OPA1: variants seen among roughly 807,000 people sequenced by gnomAD.
OPA1 encodes OPA1 mitochondrial dynamin like GTPase.
A neutral mutation model predicts 152.9 loss-of-function variants in OPA1; 59 were observed. The observed-to-expected ratio is 0.39, with a 90% CI of 0.31 to 0.48. The LOEUF (loss-of-function observed/expected upper bound fraction) is 0.48. Ranked by LOEUF, OPA1 falls within the 20% of genes least tolerant of loss-of-function variation. The probability of loss-of-function intolerance (pLI) is 0.96; values close to 1 mark genes in which losing one functional copy is unlikely to be tolerated. For synonymous variants in OPA1, 400 were observed against 389.9 expected (o/e 1.03, Z -0.31); for missense variants, 1,008 against 1,216.8 (o/e 0.83, Z 2.55).
At position 193,688,449 on chromosome 3, in the gene OPA1, C is replaced by CTTTTTTTTTTTTTTTTT. The variant is rs766448341; in HGVS notation, c.2984-3583_2984-3567dup. 2.4e-4 allele frequency among the ~76,000 whole-genome samples: 15 copies of CTTTTTTTTTTTTTTTTT among 63,358 alleles called. 4 individuals carry two copies. The highest frequency in any genetic ancestry group is 3.3e-4 in the Non-Finnish European group (10 of 30,306). The allele number at this position is 63,358 out of a possible 152,430, so 41.6% of individuals were successfully genotyped here. A position where few individuals can be genotyped will look rare whatever the true frequency, so the allele number is the denominator to read the frequency against. ...TGATTTTTACTGAAATGGGTCTTTT[C>CTTTTTTTTTTTTTTTTT]TTTTTTTTTTTTTTTTTTTTTTTTT... On this transcript the variant is annotated intron_variant, in intron 29 of 30. Transcript: ENST00000361510.
At chr3:193,612,092 G>A (rs965535603) in intron 1 of OPA1, among the ~76,000 whole-genome samples, 2 of 152,126 alleles carry the variant, frequency 1.3e-5, no homozygotes, top group Non-Finnish European at 2.9e-5. Flanking sequence ...GTCCTGGATC[G>A]TAAGCTCCTA....
At position 193,635,491 on chromosome 3, in the gene OPA1, A is replaced by G. The variant is rs1236699901; in HGVS notation, c.917A>G (p.Asp306Gly). The G allele has an allele frequency of 6.2e-7, 1 of 1,607,282 alleles. No homozygotes were observed. The highest frequency in any genetic ancestry group is 1.1e-5 in the South Asian group (1 of 90,924). The change falls in exon 9 of 31, where the codon GAT becomes GGT. Residue 306 changes from aspartate (D) to glycine (G), a missense_variant. Physicochemically the swap from Asp to Gly is moderately conservative, Grantham distance 94 (BLOSUM62 -1). This residue lies in a region of OPA1 where 408 missense variants were observed against 395.1 expected (regional missense o/e 1.03). Transcript: ENST00000361510. ...TTGAGAAAATTAGTATTGCAGAAAG[A>G]TGACAAAGGCATTCATCATAGAAAG... ...KELRKLVLQK[D>G]DKGIHHRKLK...
chr3:193,631,984 C>T (rs1281693473), intron 8 of OPA1, among the ~76,000 whole-genome samples: 1 of 152,146 alleles, frequency 6.6e-6, no homozygotes, highest in Non-Finnish European at 1.5e-5. Context: ...TAAAGAAATT[C>T]GAGTTGAGTC....
chr3:193,618,823 G>T, intron 5 of OPA1, 46 bp from the exon 6 acceptor site: 1 of 1,454,630 alleles, frequency 6.9e-7, no homozygotes, highest in Non-Finnish European at 9.7e-7. Flanking sequence ...AGCTTAGGCT[G>T]TTGACATCAC....
Position 193,593,250 on chromosome 3 carries a change from C to T in OPA1, c.-128C>T. On this transcript the variant is annotated 5_prime_UTR_variant, in exon 1 of 31. Coordinates refer to ENST00000361510, the MANE Select transcript of OPA1 (RefSeq NM_130837.3). ...CATGCGCCATTGGGAGGGCCTCGGC[C>T]GCGGCTCTGTGCCCTTGCTGCTGAG... 1.1e-6 allele frequency: 1 copy of T among 878,742 alleles called. No homozygotes were observed. Among genetic ancestry groups the T allele is most frequent in the Non-Finnish European group, 1.7e-6 (1 of 601,732 alleles). 54.4% of individuals were successfully genotyped at this position (878,742 alleles called of 1,614,324 possible). A position where few individuals can be genotyped will look rare whatever the true frequency, so the allele number is the denominator to read the frequency against.
intron 29 of OPA1, among the ~76,000 whole-genome samples, chr3:193,678,166 C>G (rs1439424179): frequency 6.6e-6 from 1 of 152,184 alleles, no homozygotes; most frequent in African/African-American, 2.4e-5. Flanking sequence ...TTTTGATTAA[C>G]TTCAGTTAGA....
At chr3:193,617,741 T>C in intron 4 of OPA1, 43 bp from the exon 5 acceptor site, 1 of 1,458,716 alleles carries the variant, frequency 6.9e-7, no homozygotes. Flanking sequence ...TCATTTCTGT[T>C]AAATTTTACA....
intron 29 of OPA1, among the ~76,000 whole-genome samples, chr3:193,667,858 C>T (rs1716986836): frequency 6.6e-6 from 1 of 152,150 alleles, no homozygotes; most frequent in African/African-American, 2.4e-5. Flanking sequence ...TTTCAAGTTT[C>T]ACCCGTTGTC....
chr3:193,668,139 C>T (rs752307626), intron 29 of OPA1, among the ~76,000 whole-genome samples: 1 of 152,192 alleles, frequency 6.6e-6, no homozygotes. Flanking sequence ...GATGCTGATA[C>T]TTCCCATTTT....
At position 193,649,115 on chromosome 3, in the gene OPA1, A is replaced by C. The variant is rs112902797; in HGVS notation, c.2012+244A>C. 3.3e-5 allele frequency among the ~76,000 whole-genome samples: 5 copies of C among 152,242 alleles called. 1 individual carries two copies. Among genetic ancestry groups the C allele is most frequent in the African/African-American group, 9.6e-5 (4 of 41,574 alleles). On this transcript the variant is annotated intron_variant, in intron 21 of 30. Coordinates refer to ENST00000361510, the MANE Select transcript of OPA1 (RefSeq NM_130837.3). Reference sequence around the variant, plus strand: ...TTTATCTTATACCTAATAAATACGTAATCATGATTTCTGTAAAATCCTTTG... The same window carrying C: ...TTTATCTTATACCTAATAAATACGTCATCATGATTTCTGTAAAATCCTTTG...
intron 1 of OPA1, among the ~76,000 whole-genome samples, chr3:193,609,810 T>A (rs1312313092): frequency 1.3e-5 from 2 of 152,228 alleles, no homozygotes; most frequent in Admixed American, 1.3e-4. Context: ...ACTGATACCC[T>A]TTCTTCCAGT....
chr3:193,658,656 T>A (rs1577303491), intron 23 of OPA1, among the ~76,000 whole-genome samples: 1 of 152,226 alleles, frequency 6.6e-6, no homozygotes, highest in Non-Finnish European at 1.5e-5. Flanking sequence ...ATGGTTAGCT[T>A]GTTTAATTTG....
chr3:193,676,979 C>CGA (rs1560064032), intron 29 of OPA1, among the ~76,000 whole-genome samples: 1 of 70,834 alleles, frequency 1.4e-5, no homozygotes. Context: ...AGACTCGTCT[C>CGA]AAAAAAAAAA....
intron 1 of OPA1, among the ~76,000 whole-genome samples, chr3:193,609,464 A>G (rs542425968): frequency 5.3e-4 from 80 of 152,252 alleles, no homozygotes; most frequent in African/African-American, 1.9e-3. Context: ...TCTAGCTGCC[A>G]TTAACATTTT....
intron 28 of OPA1, 70 bp from the exon 29 acceptor site, chr3:193,667,100 G>A: frequency 1.3e-6 from 1 of 776,152 alleles, no homozygotes; most frequent in Non-Finnish European, 2.3e-6. Context: ...CATATATATA[G>A]GTTAATTTTA....
At chr3:193,693,535 G>T (rs964037000) in intron 30 of OPA1, among the ~76,000 whole-genome samples, 1 of 152,074 alleles carries the variant, frequency 6.6e-6, no homozygotes, top group African/African-American at 2.4e-5. Flanking sequence ...AGCTACTCGG[G>T]AGCCTGAGTC....
rs886058257 is a variant in OPA1, at chr3:193,694,922, G to A, written c.*322G>A. The A allele has an allele frequency of 7.9e-5, 12 of 152,188 alleles. No homozygotes were observed. Among genetic ancestry groups the A allele is most frequent in the Admixed American group, 4.6e-4 (7 of 15,282 alleles). 9.4% of individuals were successfully genotyped at this position (152,188 alleles called of 1,614,324 possible). ...TGTTGTCTTATTTGTGGTGGCACTC[G>A]TTTAATGGATTAACTGAGGTTGCTC... On this transcript the variant is annotated 3_prime_UTR_variant, in exon 31 of 31. Transcript: ENST00000361510.
chr3:193,625,611 A>T (rs1387490450), intron 6 of OPA1, among the ~76,000 whole-genome samples: 1 of 152,126 alleles, frequency 6.6e-6, no homozygotes, highest in Non-Finnish European at 1.5e-5. Flanking sequence ...TTGATGATGG[A>T]AACCTGTTCC....
Position 193,593,214 on chromosome 3 carries a change from T to C in OPA1, c.-164T>C. On this transcript the variant is annotated 5_prime_UTR_variant, in exon 1 of 31. Transcript: ENST00000361510. ...CTGAGTACGGGTGCCTGTCAGGCTC[T>C]TGCGGAAGTCCATGCGCCATTGGGA... 1.7e-6 allele frequency: 1 copy of C among 590,038 alleles called. No individual in the cohort carries two copies. Among genetic ancestry groups the C allele is most frequent in the East Asian group, 3.1e-5 (1 of 32,170 alleles). The allele number at this position is 590,038 out of a possible 1,614,324, so 36.6% of individuals were successfully genotyped here. A position where few individuals can be genotyped will look rare whatever the true frequency, so the allele number is the denominator to read the frequency against.
Sources: allele counts gnomAD v4.1 joint callset (sites outside exome capture counted in the v4.1 genomes callset), GRCh38; gene constraint gnomAD v4.1.1; regional missense constraint gnomAD v4.1.1; transcripts MANE v1.5; gene names NCBI Gene and HGNC (gene_info 2026-07-23, HGNC 2026-07-21).